The following PRH1 variants were observed in gnomAD, a reference collection of about 807,000 sequenced individuals.
PRH1 encodes salivary acidic proline-rich phosphoprotein 1/2.
In PRH1, 7 loss-of-function variants were observed where a neutral mutation model predicts 7.9. That is an observed-to-expected ratio of 0.89 (90% confidence interval 0.50 to 1.67). The LOEUF (loss-of-function observed/expected upper bound fraction) is 1.67. Ranked by LOEUF, PRH1 falls within the 40% of genes most tolerant of loss-of-function variation. The pLI is 0.00. For missense variants in PRH1, 109 were observed against 223.6 expected (o/e 0.49, Z 3.27); for synonymous variants, 45 against 80.8 (o/e 0.56, Z 2.38).
intron 2 of PRH1, among the ~76,000 whole-genome samples, chr12:10,944,484 G>T (rs975595984): frequency 1.3e-5 from 2 of 152,140 alleles, no homozygotes; most frequent in South Asian, 4.1e-4. Context: ...ATGGGGTTTT[G>T]TAGATAGAGA....
At chr12:11,063,528 A>C (rs1943696143) in intron 1 of PRH1, among the ~76,000 whole-genome samples, 1 of 152,056 alleles carries the variant, frequency 6.6e-6, no homozygotes, top group Admixed American at 6.6e-5. Context: ...AAATAAACAG[A>C]GCCATCCACC....
chr12:11,044,914 A>G (rs935416618), intron 1 of PRH1, among the ~76,000 whole-genome samples: 1 of 152,130 alleles, frequency 6.6e-6, no homozygotes, highest in Non-Finnish European at 1.5e-5. Flanking sequence ...TTAAAAGACA[A>G]AAATTAGAGC....
intron 2 of PRH1, among the ~76,000 whole-genome samples, chr12:10,928,184 G>A (rs969231427): frequency 6.6e-6 from 1 of 151,988 alleles, no homozygotes; most frequent in African/African-American, 2.4e-5. Context: ...GAAAGAATTA[G>A]TATTAGAATA....
At chr12:10,932,686 C>T (rs975055334) in intron 2 of PRH1, among the ~76,000 whole-genome samples, 2 of 152,002 alleles carry the variant, frequency 1.3e-5, no homozygotes, top group African/African-American at 4.8e-5. Context: ...TGCCTGTATT[C>T]CCCAGAAGCC....
intron 2 of PRH1, among the ~76,000 whole-genome samples, chr12:10,953,176 G>A (rs893432014): frequency 2.0e-5 from 3 of 151,778 alleles, no homozygotes; most frequent in African/African-American, 7.3e-5. Flanking sequence ...TCAGCCCACA[G>A]AGATGAGAAA....
At chr12:10,994,300 T>C (rs1281190623) in intron 1 of PRH1, among the ~76,000 whole-genome samples, 2 of 152,158 alleles carry the variant, frequency 1.3e-5, no homozygotes, top group African/African-American at 4.8e-5. Flanking sequence ...GCAGAGATGG[T>C]AGTTCTGCCT....
At chr12:11,061,286 AAC>A in intron 1 of PRH1, 5 of 1,525,622 alleles carry the variant, frequency 3.3e-6, no homozygotes, top group Non-Finnish European at 4.4e-6. Flanking sequence ...CATTACAGAA[AAC>A]ACAGTAAGAA....
intron 1 of PRH1, among the ~76,000 whole-genome samples, chr12:11,060,562 G>T (rs1233916905): frequency 6.6e-6 from 1 of 152,060 alleles, no homozygotes; most frequent in African/African-American, 2.4e-5. Flanking sequence ...CCAAAAGCTG[G>T]AAGAAATGAC....
intron 1 of PRH1, among the ~76,000 whole-genome samples, chr12:11,137,115 T>C (rs1946580688): frequency 1.3e-5 from 2 of 152,166 alleles, no homozygotes; most frequent in Admixed American, 1.3e-4. Context: ...AAACTCACCT[T>C]ATAGGGAAAT....
At chr12:10,964,198 A>T (rs995588364) in intron 2 of PRH1, among the ~76,000 whole-genome samples, 7 of 152,230 alleles carry the variant, frequency 4.6e-5, no homozygotes, top group Non-Finnish European at 8.8e-5. Flanking sequence ...GTTTGTAAAA[A>T]ATGATTATGT....
chr12:11,061,202 A>T (rs543316738), intron 1 of PRH1, among the ~76,000 whole-genome samples: 1 of 114,464 alleles, frequency 8.7e-6, no homozygotes, highest in Non-Finnish European at 2.0e-5. Flanking sequence ...ATATATATAC[A>T]TACGCACTTT....
At chr12:11,145,936 GT>G (rs1314618962) in intron 1 of PRH1, among the ~76,000 whole-genome samples, 2 of 151,966 alleles carry the variant, frequency 1.3e-5, no homozygotes, top group South Asian at 4.2e-4. Context: ...CTCTATAACT[GT>G]TTTTGCATAT....
chr12:11,151,550 T>C (rs1477861697), intron 1 of PRH1, among the ~76,000 whole-genome samples: 1 of 152,194 alleles, frequency 6.6e-6, no homozygotes, highest in Non-Finnish European at 1.5e-5. Flanking sequence ...GCTAAATATG[T>C]CTTGTATTTG....
At chr12:10,940,041 T>C (rs1343090698) in intron 2 of PRH1, among the ~76,000 whole-genome samples, 2 of 151,990 alleles carry the variant, frequency 1.3e-5, no homozygotes, top group Non-Finnish European at 2.9e-5. Context: ...AATCAGATGG[T>C]TTTTTAAAGT....
Position 10,975,705 on chromosome 12 carries a change from C to G in PRH1, c.-125-1984G>C, listed in dbSNP as rs533313253. ...TCACGTGTAATGATACGCATAGGCTCGAAGTAAAGGAATGAAGAAAAATCT... is the reference window on the plus strand; with the variant it reads ...TCACGTGTAATGATACGCATAGGCTGGAAGTAAAGGAATGAAGAAAAATCT... On this transcript the variant is annotated intron_variant, in intron 1 of 3. Coordinates refer to the PRH1 transcript ENST00000539853. 4.6e-4 allele frequency among the ~76,000 whole-genome samples: 66 copies of G among 144,036 alleles called. 1 individual carries two copies. Among genetic ancestry groups the G allele is most frequent in the African/African-American group, 1.6e-3 (64 of 38,806 alleles). 94.5% of individuals were successfully genotyped at this position (144,036 alleles called of 152,430 possible). A position where few individuals can be genotyped will look rare whatever the true frequency, so the allele number is the denominator to read the frequency against.
chr12:10,909,164 A>G (rs1949856637), intron 2 of PRH1: 1 of 1,613,910 alleles, frequency 6.2e-7, no homozygotes, highest in Non-Finnish European at 8.5e-7. Context: ...TGAGGAGTTT[A>G]TCGACTGAGG....
chr12:10,990,076 T>C (rs10772402), intron 1 of PRH1, among the ~76,000 whole-genome samples: 46,249 of 151,878 alleles, frequency 0.3, 8,878 homozygotes, highest in East Asian at 0.74. Context: ...TCAAAGTATA[T>C]TACAGAGCTA....
chr12:10,924,628 T>C (rs1950100118), intron 2 of PRH1, among the ~76,000 whole-genome samples: 1 of 152,244 alleles, frequency 6.6e-6, no homozygotes, highest in Non-Finnish European at 1.5e-5. Context: ...TTCCGTCTGG[T>C]CCTGGACTTT....
At chr12:11,150,431 C>T (rs932888388) in intron 1 of PRH1, among the ~76,000 whole-genome samples, 1 of 152,058 alleles carries the variant, frequency 6.6e-6, no homozygotes, top group Non-Finnish European at 1.5e-5. Flanking sequence ...AAATGTCCAA[C>T]AATGATAGAC....
Sources: gnomAD v4.1 joint callset for allele counts (sites outside exome capture counted in the v4.1 genomes callset) on GRCh38, gnomAD v4.1.1 for gene constraint, MANE v1.5 for transcripts, NCBI Gene and HGNC (gene_info 2026-07-23, HGNC 2026-07-21) for gene names.